ITGAM: variants seen among roughly 807,000 people sequenced by gnomAD.
ITGAM encodes the protein integrin subunit alpha M.
Under a neutral mutation model 137.5 loss-of-function variants are expected in ITGAM, and 79 were observed. That is an observed-to-expected ratio of 0.57 (90% CI 0.48 to 0.69). The LOEUF is 0.69. Among genes scored for constraint, ITGAM ranks in the 30% least tolerant of loss-of-function variants. The pLI, the probability that ITGAM is intolerant of heterozygous loss-of-function variation, is 0.00. For synonymous variants in ITGAM, 583 were observed against 592.3 expected, an observed-to-expected ratio of 0.98 and a Z score of 0.23; for missense variants, 1,343 against 1,483.5, an observed-to-expected ratio of 0.91 and a Z score of 1.56.
At chr16:31,325,054 C>G in intron 19 of ITGAM, 23 bp downstream of exon 19, 1 of 1,596,408 alleles carries the variant, frequency 6.3e-7, no homozygotes, top group Non-Finnish European at 8.6e-7. Flanking sequence ...TCCTCCTCAC[C>G]TCCTCCAGAG....
At chr16:31,317,370 T>G (rs926408238) in intron 14 of ITGAM, among the ~76,000 whole-genome samples, 1 of 152,174 alleles carries the variant, frequency 6.6e-6, no homozygotes, top group Non-Finnish European at 1.5e-5. Context: ...CCTAATTCCT[T>G]GTGTGATGGT....
chr16:31,273,639 T>C, intron 8 of ITGAM, 121 bp downstream of exon 8: 1 of 925,328 alleles, frequency 1.1e-6, no homozygotes, highest in Non-Finnish European at 1.6e-6. Flanking sequence ...CTAGCTCATA[T>C]ACACCGTATC....
chr16:31,271,843 G>A lies in ITGAM; in HGVS notation c.559-4G>A, dbSNP rs35314490. On this transcript the variant is annotated splice_region_variant and splice_polypyrimidine_tract_variant and intron_variant, in intron 6 of 29. Transcript: ENST00000544665. ...CAGCATCACACCAGCCGCCCCCTCC[G>A]CAGTTCTCTTTGATGCAGTACTCTG... is the stretch of plus-strand genomic sequence containing the variant. The A allele has an allele frequency of 0.12, 199,150 of 1,613,572 alleles. 13,755 individuals are homozygous for A. Among genetic ancestry groups the A allele is most frequent in the African/African-American group, 0.24 (17,873 of 74,962 alleles).
At chr16:31,262,752 G>C (rs2079719719) in intron 2 of ITGAM, among the ~76,000 whole-genome samples, 1 of 151,930 alleles carries the variant, frequency 6.6e-6, no homozygotes, top group Non-Finnish European at 1.5e-5. Flanking sequence ...CTGTGATAGA[G>C]ATTGTATGGA....
chr16:31,267,567 G>C (rs1379002236), intron 5 of ITGAM, among the ~76,000 whole-genome samples: 1 of 152,148 alleles, frequency 6.6e-6, no homozygotes, highest in African/African-American at 2.4e-5. Flanking sequence ...AGGAAGACCT[G>C]TCTCTCCTCT....
chr16:31,310,782 AGTTTCCG>A (rs2080320217), intron 14 of ITGAM, among the ~76,000 whole-genome samples: 1 of 151,880 alleles, frequency 6.6e-6, no homozygotes, highest in East Asian at 1.9e-4. Flanking sequence ...TGATTTTTAG[AGTTTCCG>A]GTTTTTCTGC....
intron 14 of ITGAM, among the ~76,000 whole-genome samples, chr16:31,310,856 C>T (rs1399313627): frequency 4.6e-5 from 7 of 152,088 alleles, no homozygotes; most frequent in South Asian, 2.1e-4. Context: ...ATGATGGTGA[C>T]GTACAGATGG....
chr16:31,323,058 A>AAATAGGAAAGATGGAATAGGAAAGACAG (rs542302687), intron 16 of ITGAM, among the ~76,000 whole-genome samples: 27 of 152,186 alleles, frequency 1.8e-4, no homozygotes, highest in African/African-American at 4.3e-4. Flanking sequence ...GAGAGAAAGA[A>AAATAGGAAAGATGGAATAGGAAAGACAG]AATAGGAAAG....
At position 31,330,282 on chromosome 16, in the gene ITGAM, G is replaced by C. The variant is rs529776209; in HGVS notation, c.3061-26G>C. The C allele has an allele frequency of 1.9e-6, 3 of 1,596,202 alleles. No homozygotes were observed. The Admixed American group carries it at 5.0e-5, about 27-fold the overall frequency. On this transcript the variant is annotated intron_variant, in intron 26 of 29. Transcript: ENST00000544665. ...TTCTCTGCCTTCGGCTTCCTTACCCGTCCCCTCCCCTCCTGCGTTCCCCAG... is the reference window on the plus strand; with the variant it reads ...TTCTCTGCCTTCGGCTTCCTTACCCCTCCCCTCCCCTCCTGCGTTCCCCAG...
At chr16:31,317,198 AT>A (rs1319108327) in intron 14 of ITGAM, among the ~76,000 whole-genome samples, 2 of 152,024 alleles carry the variant, frequency 1.3e-5, no homozygotes, top group African/African-American at 4.8e-5. Context: ...GTAAAATCAA[AT>A]TTTCACCACT....
At chr16:31,281,425 A>G (rs1404598269) in intron 12 of ITGAM, among the ~76,000 whole-genome samples, 2 of 152,084 alleles carry the variant, frequency 1.3e-5, no homozygotes, top group African/African-American at 4.8e-5. Context: ...CAGAGATTCA[A>G]CTTCTTCCTG....
chr16:31,294,758 C>A (rs1486889143), intron 12 of ITGAM, among the ~76,000 whole-genome samples: 1 of 151,898 alleles, frequency 6.6e-6, no homozygotes, highest in African/African-American at 2.4e-5. Flanking sequence ...GCTTTTGTTG[C>A]CTGTGCTTTT....
intron 14 of ITGAM, among the ~76,000 whole-genome samples, chr16:31,310,891 G>C (rs367617187): frequency 6.6e-6 from 1 of 152,076 alleles, no homozygotes. Context: ...TGTCCTTTCT[G>C]TTGTTAGTTT....
At chr16:31,261,342 C>T (rs11639622) in intron 1 of ITGAM, among the ~76,000 whole-genome samples, 3,735 of 151,276 alleles carry the variant, frequency 0.025, 68 homozygotes, top group Middle Eastern at 0.068. Flanking sequence ...ACCACTACAC[C>T]CGGCTAATTT....
At position 31,329,817 on chromosome 16, in the gene ITGAM, G is replaced by C. The variant is rs1414505721; in HGVS notation, c.2888G>C (p.Arg963Thr). The change falls in exon 25 of 30, where the codon AGG becomes ACG. Residue 963 changes from arginine (R) to threonine (T), a missense_variant. By Grantham distance (71) the Arg-to-Thr change is moderately conservative. Coordinates refer to ENST00000544665, the MANE Select transcript of ITGAM (RefSeq NM_000632.4). Reference sequence around the variant, plus strand: ...GTGCAGGTCAGCAACCTGGGGCAGAGGAGCCTCCCCATCAGCCTGGTGTTC... The same window carrying C: ...GTGCAGGTCAGCAACCTGGGGCAGACGAGCCTCCCCATCAGCCTGGTGTTC... The part of the protein sequence containing the change: ...HQYQVSNLGQ[R>T]SLPISLVFLV... 3.9e-6 allele frequency: 6 copies of C among 1,557,938 alleles called. No individual in the cohort carries two copies. Among genetic ancestry groups the C allele is most frequent in the Non-Finnish European group, 5.2e-6 (6 of 1,150,796 alleles).
Position 31,324,767 on chromosome 16 carries a change from A to C in ITGAM, c.2274A>C (p.Arg758Ser), listed in dbSNP as rs1266148477. The C allele has an allele frequency of 6.4e-7, 1 of 1,568,336 alleles. No homozygotes were observed. Among genetic ancestry groups the C allele is most frequent in the Admixed American group, 1.9e-5 (1 of 53,082 alleles). ...LRPVLAEDAQ[R>S]LFTALFPFEK... is the part of the protein sequence containing the mutation. The stretch of plus-strand genomic sequence containing the variant: ...CAGTGCTGGCGGAGGATGCTCAGAG[A>C]CTCTTCACAGCCTTGGTGAGTCCAG... The change falls in exon 18 of 30, where the codon AGA becomes AGC. Residue 758 changes from arginine to serine, a missense_variant. Coordinates refer to ENST00000544665, the MANE Select transcript of ITGAM (RefSeq NM_000632.4). The surrounding 1 kb of genome is among the most constrained non-coding windows in gnomAD (Gnocchi z 4.5).
At position 31,275,532 on chromosome 16, in the gene ITGAM, C is replaced by T; in HGVS notation, c.859-17C>T. ...CTAGCCTCACACCATGATTTAGCCTCTGTTCCTTGGTAACAGGTGGGAGAT... is the reference window on the plus strand; with the variant it reads ...CTAGCCTCACACCATGATTTAGCCTTTGTTCCTTGGTAACAGGTGGGAGAT... On this transcript the variant is annotated splice_polypyrimidine_tract_variant and intron_variant, in intron 8 of 29. Coordinates refer to ENST00000544665, the MANE Select transcript of ITGAM (RefSeq NM_000632.4). The T allele has an allele frequency of 6.2e-7, 1 of 1,613,472 alleles. No homozygotes were observed. The highest frequency in any genetic ancestry group is 8.5e-7 in the Non-Finnish European group (1 of 1,179,482).
At position 31,271,927 on chromosome 16, in the gene ITGAM, A is replaced by G. The variant is rs2079845100; in HGVS notation, c.639A>G (p.Ser213=). 6.2e-7 allele frequency: 1 copy of G among 1,614,002 alleles called. No homozygotes were observed. The highest frequency in any genetic ancestry group is 8.5e-7 in the Non-Finnish European group (1 of 1,179,878). ...TCCAGAACAACCCTAACCCAAGATC[A>G]CTGGTGAAGCCAATAACGCAGCTGC... ...KEFQNNPNPR[S]LVKPITQLLG... is the part of the protein sequence containing the mutation. The change falls in exon 7 of 30, where the codon TCA becomes TCG. Residue 213 remains serine, a synonymous_variant. Coordinates refer to ENST00000544665, the MANE Select transcript of ITGAM (RefSeq NM_000632.4).
At chr16:31,283,787 G>A (rs2079996624) in intron 12 of ITGAM, among the ~76,000 whole-genome samples, 1 of 152,230 alleles carries the variant, frequency 6.6e-6, no homozygotes, top group Non-Finnish European at 1.5e-5. Flanking sequence ...GTGCTCCTTT[G>A]GAGGAGAAGA....
Sources: allele counts gnomAD v4.1 joint callset (sites outside exome capture counted in the v4.1 genomes callset), GRCh38; gene constraint gnomAD v4.1.1; non-coding constraint Gnocchi (gnomAD v3.1); transcripts MANE v1.5; gene names NCBI Gene and HGNC (gene_info 2026-07-23, HGNC 2026-07-21).